Variants in DDX19B observed in about 807,000 individuals in gnomAD.
DDX19B encodes the protein ATP-dependent RNA helicase DDX19B.
DDX19B carries 27 observed loss-of-function variants against 58.1 expected under a neutral mutation model. The ratio of observed to expected loss-of-function variants is 0.46; its 90% confidence interval spans 0.34 to 0.64. The LOEUF is 0.64. Among genes scored for constraint, DDX19B ranks in the 30% least tolerant of loss-of-function variants. The pLI, the probability that DDX19B is intolerant of heterozygous loss-of-function variation, is 0.01. For missense variants in DDX19B, 399 were observed against 596.5 expected, an observed-to-expected ratio of 0.67 and a Z score of 3.45; for synonymous variants, 187 against 214.4, an observed-to-expected ratio of 0.87 and a Z score of 1.12.
chr16:70,294,948 CT>C, upstream of DDX19B: 1 of 1,477,064 alleles, frequency 6.8e-7, no homozygotes, highest in South Asian at 1.3e-5. Flanking sequence ...AAGCCAGACC[CT>C]TTCCTCCCAC....
chr16:70,330,349 G>T (rs1963421352), intron 9 of DDX19B, among the ~76,000 whole-genome samples: 1 of 152,178 alleles, frequency 6.6e-6, no homozygotes, highest in Admixed American at 6.5e-5. Context: ...CACTTTGGGA[G>T]GCCAAGGCGG....
upstream of DDX19B, among the ~76,000 whole-genome samples, chr16:70,290,213 G>A (rs1477559063): frequency 6.6e-6 from 1 of 152,008 alleles, no homozygotes; most frequent in Non-Finnish European, 1.5e-5. Flanking sequence ...GACCAGCCTG[G>A]TCAACATAAC....
chr16:70,311,486 G>T (rs983809820), intron 1 of DDX19B, among the ~76,000 whole-genome samples: 32 of 152,292 alleles, frequency 2.1e-4, no homozygotes, highest in African/African-American at 7.5e-4. Flanking sequence ...TTTCCTGTGG[G>T]GTAGCCCTGC....
Position 70,315,373 on chromosome 16 carries a change from C to T in DDX19B, c.160+418C>T, listed in dbSNP as rs1182527398. Among the ~76,000 whole-genome samples the T allele has an allele frequency of 4.4e-5, 6 of 136,984 alleles. No individual in the cohort carries two copies. In the East Asian group the frequency reaches 1.0e-3, roughly 24 times the overall value. 89.9% of individuals were successfully genotyped at this position (136,984 alleles called of 152,430 possible). A position where few individuals can be genotyped will look rare whatever the true frequency, so the allele number is the denominator to read the frequency against. ...CTGCACTCTAGCCTGGGCGAAAGAGCGAGACTCTGTCTCAAAAAAAAAAAA... is the reference window on the plus strand; with the variant it reads ...CTGCACTCTAGCCTGGGCGAAAGAGTGAGACTCTGTCTCAAAAAAAAAAAA... On this transcript the variant is annotated intron_variant, in intron 3 of 11. Coordinates refer to ENST00000288071, the MANE Select transcript of DDX19B (RefSeq NM_007242.7).
chr16:70,321,003 C>G (rs1469193417), intron 5 of DDX19B, among the ~76,000 whole-genome samples: 2 of 141,836 alleles, frequency 1.4e-5, no homozygotes, highest in Non-Finnish European at 3.0e-5. Context: ...GCTCTTGTTG[C>G]CCAGGCTGGA....
chr16:70,327,755 G>A (rs1005663820), intron 7 of DDX19B, among the ~76,000 whole-genome samples: 1 of 152,026 alleles, frequency 6.6e-6, no homozygotes, highest in Non-Finnish European at 1.5e-5. Flanking sequence ...AACCCAGAAT[G>A]TTTATGGCTA....
intron 1 of DDX19B, among the ~76,000 whole-genome samples, chr16:70,304,286 G>A (rs1290574645): frequency 1.3e-5 from 2 of 149,366 alleles, no homozygotes; most frequent in Admixed American, 6.7e-5. Flanking sequence ...TGATCTGCCC[G>A]CCTCGGCCTC....
chr16:70,311,241 G>A (rs1328341884), intron 1 of DDX19B, among the ~76,000 whole-genome samples: 5 of 151,470 alleles, frequency 3.3e-5, no homozygotes, highest in Admixed American at 2.0e-4. Flanking sequence ...TTAGCCGGGC[G>A]TGGTGGCGGG....
upstream of DDX19B, among the ~76,000 whole-genome samples, chr16:70,291,934 G>A (rs1740848118): frequency 6.6e-6 from 1 of 151,992 alleles, no homozygotes; most frequent in Admixed American, 6.6e-5. Flanking sequence ...GATCAATGGA[G>A]CCCAAGTGTT....
At position 70,335,299 on chromosome 16, in the gene DDX19B, T is replaced by C. The variant is rs891562180; in HGVS notation, c.*1717T>C. 6.6e-6 allele frequency: 1 copy of C among 152,226 alleles called. No homozygotes were observed. Among genetic ancestry groups the C allele is most frequent in the East Asian group, 1.9e-4 (1 of 5,194 alleles). 9.4% of individuals were successfully genotyped at this position (152,226 alleles called of 1,614,324 possible). ...AATTAAAGAAGTATAGACTCTTTAG[T>C]AGGCCACAGGCAGAGCAGACTCCCA... On this transcript the variant is annotated 3_prime_UTR_variant, in exon 12 of 12. Coordinates refer to ENST00000288071, the MANE Select transcript of DDX19B (RefSeq NM_007242.7).
At chr16:70,309,927 C>T (rs979106199) in intron 1 of DDX19B, among the ~76,000 whole-genome samples, 13 of 151,880 alleles carry the variant, frequency 8.6e-5, no homozygotes, top group African/African-American at 2.2e-4. Context: ...CTTCCCCTTT[C>T]GCCTGTTCTT....
chr16:70,326,758 A>T (rs1963169030), intron 7 of DDX19B, among the ~76,000 whole-genome samples: 1 of 151,450 alleles, frequency 6.6e-6, no homozygotes, highest in Non-Finnish European at 1.5e-5. Context: ...CTGGTCTCAA[A>T]CTCTTGACCT....
intron 1 of DDX19B, among the ~76,000 whole-genome samples, chr16:70,302,787 C>T (rs966318154): frequency 1.3e-5 from 2 of 152,130 alleles, no homozygotes; most frequent in African/African-American, 4.8e-5. Context: ...TGTGTTATGT[C>T]GTATGTGTTT....
intron 1 of DDX19B, among the ~76,000 whole-genome samples, chr16:70,301,781 C>G (rs924635362): frequency 6.7e-6 from 1 of 149,914 alleles, no homozygotes; most frequent in Non-Finnish European, 1.5e-5. Context: ...TCATAGTGTA[C>G]TACAACCTTG....
Position 70,333,693 on chromosome 16 carries a change from A to C in DDX19B, c.*111A>C. On this transcript the variant is annotated 3_prime_UTR_variant, in exon 12 of 12. Transcript: ENST00000288071. ...CCCAAGGACAACGGCACAAGTAGAG[A>C]GAAACTACCTACCTCACTTCAAATT... 6.7e-7 allele frequency: 1 copy of C among 1,496,328 alleles called. No individual in the cohort carries two copies. Among genetic ancestry groups the C allele is most frequent in the East Asian group, 2.3e-5 (1 of 44,334 alleles). The allele number at this position is 1,496,328 out of a possible 1,614,324, so 92.7% of individuals were successfully genotyped here.
rs1345362837 is a variant in DDX19B, at chr16:70,334,536, A to G, written c.*954A>G. On this transcript the variant is annotated 3_prime_UTR_variant, in exon 12 of 12. Coordinates refer to ENST00000288071, the MANE Select transcript of DDX19B (RefSeq NM_007242.7). ...TAGATGTGATCAGCAGTAGTCACAAATTCTTGTTTTGTCTCCACACCCAGA... is the reference window on the plus strand; with the variant it reads ...TAGATGTGATCAGCAGTAGTCACAAGTTCTTGTTTTGTCTCCACACCCAGA... 1 of 152,180 alleles carries G rather than the reference A, an allele frequency of 6.6e-6. No homozygotes were observed. The highest frequency in any genetic ancestry group is 1.5e-5 in the Non-Finnish European group (1 of 68,030). 9.4% of individuals were successfully genotyped at this position (152,180 alleles called of 1,614,324 possible). A position where few individuals can be genotyped will look rare whatever the true frequency, so the allele number is the denominator to read the frequency against.
intron 5 of DDX19B, among the ~76,000 whole-genome samples, chr16:70,324,083 T>C (rs941695354): frequency 2.0e-5 from 3 of 151,916 alleles, no homozygotes; most frequent in Non-Finnish European, 4.4e-5. Context: ...TGAGGTGTAA[T>C]GGGGAGCAGA....
upstream of DDX19B, chr16:70,294,922 G>A (rs894461034): frequency 2.9e-5 from 44 of 1,520,950 alleles, no homozygotes; most frequent in African/African-American, 5.5e-4. Context: ...GGCGACGTGA[G>A]TATCTGCGAG....
upstream of DDX19B, among the ~76,000 whole-genome samples, chr16:70,293,536 A>T (rs922651829): frequency 8.7e-5 from 13 of 150,268 alleles, no homozygotes; most frequent in African/African-American, 3.2e-4. Flanking sequence ...TACTTTTAGC[A>T]TCTATAAAAT....
Sources: allele counts gnomAD v4.1 joint callset (sites outside exome capture counted in the v4.1 genomes callset), GRCh38; gene constraint gnomAD v4.1.1; transcripts MANE v1.5; gene names NCBI Gene and HGNC (gene_info 2026-07-23, HGNC 2026-07-21).